MAST4: variants seen among roughly 807,000 people sequenced by gnomAD.
The protein encoded by MAST4 is microtubule-associated serine/threonine-protein kinase 4.
Under a neutral mutation model 162.7 loss-of-function variants are expected in MAST4, and 89 were observed. That is an observed-to-expected ratio of 0.55 (90% CI 0.46 to 0.65). The LOEUF (loss-of-function observed/expected upper bound fraction) is 0.65, where lower values mean the gene tolerates loss of function less well. Among genes scored for constraint, MAST4 ranks in the 30% least tolerant of loss-of-function variants. MAST4 has a pLI of 0.00. For synonymous variants in MAST4, 1,479 were observed against 1,361.1 expected (o/e 1.09, Z -1.91); for missense variants, 3,153 against 3,374.0 (o/e 0.93, Z 1.62).
chr5:66,711,347 G>A (rs1035606617), intron 1 of MAST4, among the ~76,000 whole-genome samples: 1 of 152,154 alleles, frequency 6.6e-6, no homozygotes. Flanking sequence ...CAAGGTATTG[G>A]CAGGGCTCAT....
intron 3 of MAST4, among the ~76,000 whole-genome samples, chr5:66,821,716 C>T (rs950706361): frequency 7.2e-5 from 11 of 152,164 alleles, no homozygotes; most frequent in African/African-American, 2.7e-4. Flanking sequence ...AGGCTCAGCT[C>T]ATCACTGGTT....
chr5:66,953,347 T>C (rs1363934), intron 4 of MAST4, among the ~76,000 whole-genome samples: 11,172 of 152,270 alleles, frequency 0.073, 453 homozygotes, highest in Middle Eastern at 0.12. Flanking sequence ...AAATCCTGTC[T>C]GCCCAGGTGC....
chr5:66,662,281 C>G (rs963868210), intron 1 of MAST4: 2 of 152,002 alleles, frequency 1.3e-5, no homozygotes, highest in African/African-American at 4.8e-5. Context: ...TTTTGCTTTC[C>G]TATCTTTCAG....
At chr5:67,045,390 C>A (rs1270827686) in intron 4 of MAST4, among the ~76,000 whole-genome samples, 2 of 152,132 alleles carry the variant, frequency 1.3e-5, no homozygotes, top group African/African-American at 4.8e-5. Context: ...ACATCAGAGC[C>A]CACCATGTTA....
At chr5:66,829,034 G>C (rs1162026219) in intron 3 of MAST4, among the ~76,000 whole-genome samples, 1 of 152,192 alleles carries the variant, frequency 6.6e-6, no homozygotes, top group Non-Finnish European at 1.5e-5. Flanking sequence ...CTGGTTACAG[G>C]TATGACACAT....
At chr5:66,914,064 C>T (rs570028803) in intron 4 of MAST4, among the ~76,000 whole-genome samples, 1 of 152,014 alleles carries the variant, frequency 6.6e-6, no homozygotes, top group Admixed American at 6.5e-5. Flanking sequence ...AGTATTCCAA[C>T]TTTGTTCATC....
chr5:66,928,156 T>A (rs1322630767), intron 4 of MAST4, among the ~76,000 whole-genome samples: 6 of 152,188 alleles, frequency 3.9e-5, no homozygotes, highest in Admixed American at 3.9e-4. Context: ...CTTCAACAGC[T>A]TTCCAGGGGC....
At chr5:66,795,268 A>G (rs1217394100) in intron 3 of MAST4, among the ~76,000 whole-genome samples, 1 of 152,252 alleles carries the variant, frequency 6.6e-6, no homozygotes, top group Non-Finnish European at 1.5e-5. Flanking sequence ...GCTGCATAAT[A>G]TTCCAGTATG....
chr5:67,136,636 G>A lies in MAST4; in HGVS notation c.2466G>A (p.Arg822=). ...AGGATCTGATTACCTTACTCCTCAG[G>A]CAGAATCCCCTGGAGAGGCTGGGAA... The part of the protein sequence containing the change: ...DAQDLITLLL[R]QNPLERLGTG... The change falls in exon 19 of 29, where the codon AGG becomes AGA. Residue 822 remains arginine (R), a synonymous_variant. Coordinates refer to ENST00000403625, the MANE Select transcript of MAST4 (RefSeq NM_001164664.2). 1.2e-6 allele frequency: 2 copies of A among 1,602,554 alleles called. No individual in the cohort carries two copies. The highest frequency in any genetic ancestry group is 1.1e-5 in the South Asian group (1 of 88,316).
intron 5 of MAST4, among the ~76,000 whole-genome samples, chr5:67,079,769 G>A (rs761733657): frequency 7.9e-5 from 12 of 152,036 alleles, no homozygotes; most frequent in Non-Finnish European, 1.6e-4. Flanking sequence ...GATGCAGATC[G>A]AAGGTTGCCC....
chr5:66,649,268 T>C (rs1337426658), intron 1 of MAST4, among the ~76,000 whole-genome samples: 1 of 152,126 alleles, frequency 6.6e-6, no homozygotes, highest in East Asian at 1.9e-4. Flanking sequence ...ATACTCAGGG[T>C]TGTCTGTCAG....
chr5:66,781,936 C>T (rs1219919540), intron 2 of MAST4, among the ~76,000 whole-genome samples: 2 of 151,956 alleles, frequency 1.3e-5, no homozygotes, highest in South Asian at 2.1e-4. Flanking sequence ...AAAATTATTG[C>T]AGACTTGGTA....
chr5:66,648,451 A>G (rs1746008077), intron 1 of MAST4, among the ~76,000 whole-genome samples: 2 of 152,082 alleles, frequency 1.3e-5, no homozygotes, highest in South Asian at 4.1e-4. Flanking sequence ...TGGTTTTTAT[A>G]CTGGAACTGC....
chr5:66,813,767 T>A (rs1266331089), intron 3 of MAST4, among the ~76,000 whole-genome samples: 1 of 152,260 alleles, frequency 6.6e-6, no homozygotes, highest in African/African-American at 2.4e-5. Context: ...AATTTTTATT[T>A]CTGACAGCTT....
At chr5:66,902,913 T>A (rs1000659919) in intron 4 of MAST4, among the ~76,000 whole-genome samples, 1 of 152,014 alleles carries the variant, frequency 6.6e-6, no homozygotes, top group Non-Finnish European at 1.5e-5. Context: ...CATTGTCCTA[T>A]CCCCCTCCTT....
At chr5:66,663,480 C>T (rs771042324) in intron 1 of MAST4, among the ~76,000 whole-genome samples, 1 of 152,108 alleles carries the variant, frequency 6.6e-6, no homozygotes, top group African/African-American at 2.4e-5. Context: ...CTGTCTTTTA[C>T]TGGTCAGTTA....
intron 2 of MAST4, among the ~76,000 whole-genome samples, chr5:66,784,541 A>C (rs1326955581): frequency 2.6e-5 from 4 of 151,844 alleles, no homozygotes; most frequent in African/African-American, 9.7e-5. Flanking sequence ...GATCTACCAT[A>C]CTCCTCCCTG....
At chr5:66,727,598 G>T (rs1031300289) in intron 1 of MAST4, among the ~76,000 whole-genome samples, 8 of 152,162 alleles carry the variant, frequency 5.3e-5, no homozygotes, top group Non-Finnish European at 5.9e-5. Context: ...AGCACTTCTT[G>T]AGCCAACTGA....
intron 4 of MAST4, among the ~76,000 whole-genome samples, chr5:66,977,289 G>A (rs1039053069): frequency 6.6e-5 from 10 of 151,596 alleles, no homozygotes; most frequent in Admixed American, 3.9e-4. Flanking sequence ...TAGTAGAGAC[G>A]GTGTTTCTCC....
Sources: gnomAD v4.1 joint callset for allele counts (sites outside exome capture counted in the v4.1 genomes callset) on GRCh38, gnomAD v4.1.1 for gene constraint, MANE v1.5 for transcripts, NCBI Gene and HGNC (gene_info 2026-07-23, HGNC 2026-07-21) for gene names.